UBTD1: variants seen among roughly 807,000 people sequenced by gnomAD.
UBTD1 encodes ubiquitin domain containing 1.
In UBTD1, 19 loss-of-function variants were observed where a neutral mutation model predicts 21.7. The observed-to-expected ratio is 0.87, with a 90% CI of 0.61 to 1.28. The LOEUF is 1.28. Among genes scored for constraint, UBTD1 ranks in the 50% most tolerant of loss-of-function variants. The pLI, the probability that UBTD1 is intolerant of heterozygous loss-of-function variation, is 0.00. For synonymous variants in UBTD1, 116 were observed against 135.1 expected (o/e 0.86, Z 0.98); for missense variants, 282 against 315.1 (o/e 0.89, Z 0.80).
intron 1 of UBTD1, among the ~76,000 whole-genome samples, chr10:97,536,861 C>A (rs919231420): frequency 1.3e-5 from 2 of 152,008 alleles, no homozygotes; most frequent in African/African-American, 4.8e-5. Context: ...TGGAGTCATT[C>A]GGTCATACAT....
At chr10:97,556,029 A>T (rs2040662459) in intron 1 of UBTD1, among the ~76,000 whole-genome samples, 1 of 152,122 alleles carries the variant, frequency 6.6e-6, no homozygotes, top group Non-Finnish European at 1.5e-5. Flanking sequence ...CAATAGATTG[A>T]TAGTGATTTA....
Position 97,570,507 on chromosome 10 carries a change from C to G in UBTD1, c.668C>G (p.Pro223Arg). ...FVIQVIINQP[P>R]PPQD The stretch of plus-strand genomic sequence containing the variant: ...ATCCAGGTCATCATCAACCAGCCCC[C>G]ACCACCCCAGGACTGATGGGCCCAC... Residue 223 changes from proline (P) to arginine (R), a missense_variant, in exon 3 of 3, where the codon CCA becomes CGA. Coordinates refer to ENST00000370664, the MANE Select transcript of UBTD1 (RefSeq NM_024954.5). This position sits in a 1 kb window ranked among gnomAD's most constrained non-coding sequence, Gnocchi z 6.6. The G allele has an allele frequency of 6.2e-7, 1 of 1,607,786 alleles. No homozygotes were observed. Among genetic ancestry groups the G allele is most frequent in the Non-Finnish European group, 8.5e-7 (1 of 1,176,212 alleles).
intron 1 of UBTD1, among the ~76,000 whole-genome samples, chr10:97,531,540 C>T (rs889491403): frequency 2.6e-5 from 4 of 152,132 alleles, no homozygotes; most frequent in African/African-American, 9.7e-5. Flanking sequence ...CGTGAGTCAC[C>T]AAGCCCGGCC....
chr10:97,505,148 A>G (rs931549689), intron 1 of UBTD1, among the ~76,000 whole-genome samples: 1 of 152,196 alleles, frequency 6.6e-6, no homozygotes, highest in African/African-American at 2.4e-5. Context: ...GATTCCAGGC[A>G]TCTCTTACCC....
chr10:97,557,122 G>A (rs2040667941), intron 1 of UBTD1, among the ~76,000 whole-genome samples: 1 of 152,192 alleles, frequency 6.6e-6, no homozygotes, highest in Admixed American at 6.5e-5. Context: ...TCCTGTTACG[G>A]TTCCAACACA....
intron 1 of UBTD1, among the ~76,000 whole-genome samples, chr10:97,522,044 G>A (rs1001489260): frequency 1.3e-5 from 2 of 152,196 alleles, no homozygotes; most frequent in African/African-American, 4.8e-5. Flanking sequence ...CTATAGATGG[G>A]AGCCCTTCCG....
At chr10:97,568,753 C>T (rs2040730753) in intron 2 of UBTD1, among the ~76,000 whole-genome samples, 1 of 152,132 alleles carries the variant, frequency 6.6e-6, no homozygotes, top group Non-Finnish European at 1.5e-5. Flanking sequence ...CATTAGCTCA[C>T]GTAAGTTCAT....
intron 2 of UBTD1, among the ~76,000 whole-genome samples, chr10:97,569,206 T>G (rs2040733059): frequency 6.6e-6 from 1 of 152,268 alleles, no homozygotes; most frequent in Non-Finnish European, 1.5e-5. Context: ...AGAGCCTGAC[T>G]GCCTTACGAC....
Position 97,509,467 on chromosome 10 carries a change from G to C in UBTD1, c.70+10194G>C, listed in dbSNP as rs146843964. 1.2e-3 allele frequency among the ~76,000 whole-genome samples: 183 copies of C among 152,292 alleles called. 1 individual carries two copies. The East Asian group carries it at 0.024, about 20-fold the overall frequency. The stretch of plus-strand genomic sequence containing the variant: ...ACAGCACAGCGGATGCTTAGATGGG[G>C]AACAACGCAAAGCTCATTGTTCCAC... On this transcript the variant is annotated intron_variant, in intron 1 of 2. Transcript: ENST00000370664.
chr10:97,528,871 G>T (rs1273666345), intron 1 of UBTD1, among the ~76,000 whole-genome samples: 3 of 139,894 alleles, frequency 2.1e-5, no homozygotes, highest in East Asian at 2.3e-4. Context: ...CTCACCTCCC[G>T]GATGGGGCGG....
At chr10:97,562,130 G>A (rs533197849) in intron 1 of UBTD1, among the ~76,000 whole-genome samples, 5 of 152,272 alleles carry the variant, frequency 3.3e-5, no homozygotes, top group South Asian at 2.1e-4. Flanking sequence ...CGGTCCAGGC[G>A]TGGTGGCTCA....
At chr10:97,561,904 C>G (rs12243136) in intron 1 of UBTD1, among the ~76,000 whole-genome samples, 103,803 of 152,024 alleles carry the variant, frequency 0.68, 35,646 homozygotes, top group Non-Finnish European at 0.73. Context: ...ACCTGGATCT[C>G]TTTCTGGACT....
intron 1 of UBTD1, among the ~76,000 whole-genome samples, chr10:97,501,071 G>A (rs1223865750): frequency 6.6e-6 from 1 of 152,066 alleles, no homozygotes; most frequent in Admixed American, 6.6e-5. Flanking sequence ...CCAGTCATTG[G>A]GGTCTGCTGG....
intron 1 of UBTD1, among the ~76,000 whole-genome samples, chr10:97,560,914 C>CTCTGGATAT (rs1564744610): frequency 8.8e-6 from 1 of 113,324 alleles, no homozygotes; most frequent in Non-Finnish European, 2.2e-5. Context: ...TCCAGAAATC[C>CTCTGGATAT]AAGCCAGGTC....
intron 1 of UBTD1, among the ~76,000 whole-genome samples, chr10:97,501,742 C>T (rs1324309967): frequency 6.6e-6 from 1 of 152,188 alleles, no homozygotes; most frequent in Non-Finnish European, 1.5e-5. Flanking sequence ...GACATTAAGA[C>T]CACCAGTGTT....
chr10:97,549,940 G>C (rs2040628749), intron 1 of UBTD1, among the ~76,000 whole-genome samples: 1 of 152,204 alleles, frequency 6.6e-6, no homozygotes, highest in Non-Finnish European at 1.5e-5. Context: ...CGCCTGGGCT[G>C]ATCCTTCTTC....
At chr10:97,513,558 G>A (rs903163966) in intron 1 of UBTD1, among the ~76,000 whole-genome samples, 4 of 152,130 alleles carry the variant, frequency 2.6e-5, no homozygotes, top group African/African-American at 9.7e-5. Context: ...TGAGGAAGTG[G>A]TACAGGTTGG....
intron 1 of UBTD1, among the ~76,000 whole-genome samples, chr10:97,527,171 C>CAAAAAAAAAAAA (rs34756643): frequency 1.5e-5 from 1 of 66,720 alleles, no homozygotes; most frequent in Non-Finnish European, 2.7e-5. Flanking sequence ...CTCTTGTCTC[C>CAAAAAAAAAAAA]AAAAAAAAAA....
At chr10:97,563,869 A>T (rs185956653) in intron 1 of UBTD1, among the ~76,000 whole-genome samples, 242 of 152,186 alleles carry the variant, frequency 1.6e-3, no homozygotes, top group Non-Finnish European at 2.7e-3. Flanking sequence ...AAATGAAAGG[A>T]TGTATTAGGC....
Sources: gnomAD v4.1 joint callset for allele counts (sites outside exome capture counted in the v4.1 genomes callset) on GRCh38, gnomAD v4.1.1 for gene constraint, Gnocchi (gnomAD v3.1) non-coding constraint, MANE v1.5 for transcripts, NCBI Gene and HGNC (gene_info 2026-07-23, HGNC 2026-07-21) for gene names.